MAGI3: variants seen among roughly 807,000 people sequenced by gnomAD.
MAGI3 encodes the protein membrane-associated guanylate kinase, WW and PDZ domain-containing protein 3.
Under a neutral mutation model 121.8 loss-of-function variants are expected in MAGI3, and 43 were observed. The ratio of observed to expected loss-of-function variants is 0.35; its 90% CI spans 0.28 to 0.46. The LOEUF (loss-of-function observed/expected upper bound fraction) is 0.46, where lower values mean the gene tolerates loss of function less well. Ranked by LOEUF, MAGI3 falls within the 20% of genes least tolerant of loss-of-function variation. MAGI3 has a pLI of 1.00. For missense variants in MAGI3, 1,547 were observed against 1,797.3 expected, an observed-to-expected ratio of 0.86 and a Z score of 2.52; for synonymous variants, 553 against 639.3, an observed-to-expected ratio of 0.86 and a Z score of 2.04.
Position 113,685,577 on chromosome 1 carries a change from A to AG in MAGI3, c.*1563_*1564insG, listed in dbSNP as rs1439810174. ...ATTTACCCACCTATTGTAACTATTC[A>AG]AATAGAGCAAAATTAGGAGGCTTGA... On this transcript the variant is annotated 3_prime_UTR_variant, in exon 21 of 21. Transcript: ENST00000307546. The AG allele has an allele frequency of 3.9e-5, 6 of 152,358 alleles. No homozygotes were observed. The highest frequency in any genetic ancestry group is 1.2e-4 in the African/African-American group (5 of 41,440). The allele number at this position is 152,358 out of a possible 1,614,324, so 9.4% of individuals were successfully genotyped here.
chr1:113,434,030 C>A (rs567769809), intron 1 of MAGI3, among the ~76,000 whole-genome samples: 19 of 152,224 alleles, frequency 1.2e-4, no homozygotes, highest in Middle Eastern at 3.4e-3. Flanking sequence ...GTGCCTGTTA[C>A]CAATTAATTG....
chr1:113,472,992 C>T (rs1307426223), intron 1 of MAGI3, among the ~76,000 whole-genome samples: 1 of 152,154 alleles, frequency 6.6e-6, no homozygotes, highest in Non-Finnish European at 1.5e-5. Flanking sequence ...GCGATTTACA[C>T]ACCACTATTA....
At chr1:113,476,831 C>G (rs1388931882) in intron 1 of MAGI3, among the ~76,000 whole-genome samples, 1 of 152,136 alleles carries the variant, frequency 6.6e-6, no homozygotes, top group East Asian at 1.9e-4. Context: ...GTGTTAAAGT[C>G]TCCCGTTATT....
intron 1 of MAGI3, among the ~76,000 whole-genome samples, chr1:113,395,086 A>ATTTTTTTTTTTTTT (rs1651021606): frequency 8.3e-5 from 1 of 12,090 alleles, no homozygotes; most frequent in African/African-American, 2.7e-4. Context: ...TCTTTTTGTT[A>ATTTTTTTTTTTTTT]GTTTTTTTTT....
At chr1:113,518,719 T>TC (rs1255995961) in intron 1 of MAGI3, among the ~76,000 whole-genome samples, 1 of 152,174 alleles carries the variant, frequency 6.6e-6, no homozygotes, top group Non-Finnish European at 1.5e-5. Flanking sequence ...CTTAGGTCAA[T>TC]ACATTTTTCT....
At chr1:113,633,238 A>ATTTTTTTTTTTT (rs71090716) in intron 9 of MAGI3, among the ~76,000 whole-genome samples, 4 of 56,670 alleles carry the variant, frequency 7.1e-5, no homozygotes, top group Non-Finnish European at 9.7e-5. Context: ...TGAACTCATC[A>ATTTTTTTTTTTT]TTTTTTTTTT....
At chr1:113,629,763 C>CCTCCCT (rs1553209696) in intron 9 of MAGI3, among the ~76,000 whole-genome samples, 2 of 45,216 alleles carry the variant, frequency 4.4e-5, no homozygotes, top group East Asian at 4.0e-4. Flanking sequence ...TCTCTCTCTC[C>CCTCCCT]CTCCCTCCCT....
intron 2 of MAGI3, among the ~76,000 whole-genome samples, chr1:113,558,505 A>G (rs1053075687): frequency 6.6e-6 from 1 of 152,212 alleles, no homozygotes; most frequent in Admixed American, 6.5e-5. Flanking sequence ...AGACAAGAAT[A>G]AAGAAAAAAG....
intron 3 of MAGI3, chr1:113,580,895 A>G: frequency 3.7e-6 from 1 of 269,888 alleles, no homozygotes; most frequent in Non-Finnish European, 6.9e-6. Context: ...AGTATACTAA[A>G]AATCAGCCAG....
chr1:113,673,482 C>A lies in MAGI3; in HGVS notation c.3189+17C>A, dbSNP rs1367897837. The A allele has an allele frequency of 1.2e-6, 2 of 1,610,864 alleles. No individual in the cohort carries two copies. The highest frequency in any genetic ancestry group is 1.3e-5 in the African/African-American group (1 of 74,802). ...AGAATTCATGTGAGTTGGTTTCTGT[C>A]TGTAACCTTAGGTTCAGGCTCTAGA... On this transcript the variant is annotated intron_variant, in intron 19 of 20. Coordinates refer to ENST00000307546, the MANE Select transcript of MAGI3 (RefSeq NM_001142782.2).
chr1:113,510,637 A>G (rs1489256673), intron 1 of MAGI3, among the ~76,000 whole-genome samples: 1 of 152,184 alleles, frequency 6.6e-6, no homozygotes, highest in African/African-American at 2.4e-5. Context: ...TCTTGGTCAT[A>G]TGACATTCCT....
chr1:113,576,976 A>G (rs1414131000), intron 2 of MAGI3: 2 of 152,216 alleles, frequency 1.3e-5, no homozygotes, highest in Non-Finnish European at 2.9e-5. Flanking sequence ...AAGAGAATGC[A>G]TGTTATGTGA....
intron 1 of MAGI3, among the ~76,000 whole-genome samples, chr1:113,528,493 A>T (rs1658556395): frequency 6.6e-6 from 1 of 152,184 alleles, no homozygotes; most frequent in Admixed American, 6.5e-5. Context: ...ATGACACTGT[A>T]AACTTCATAT....
intron 1 of MAGI3, among the ~76,000 whole-genome samples, chr1:113,447,840 AC>A (rs763082711): frequency 6.6e-5 from 10 of 150,516 alleles, no homozygotes; most frequent in Non-Finnish European, 1.3e-4. Context: ...GGGTGACAGA[AC>A]AAGACTGTGT....
chr1:113,411,912 A>G (rs1056085437), intron 1 of MAGI3, among the ~76,000 whole-genome samples: 4 of 152,124 alleles, frequency 2.6e-5, no homozygotes, highest in African/African-American at 9.7e-5. Flanking sequence ...TCTGGGGTGC[A>G]TGTGCACAAT....
chr1:113,672,905 T>C (rs1647646877), intron 18 of MAGI3, among the ~76,000 whole-genome samples, 164 bp downstream of exon 18: 1 of 152,254 alleles, frequency 6.6e-6, no homozygotes, highest in Non-Finnish European at 1.5e-5. Context: ...CATAGGAGAA[T>C]GTTAGGAGTG....
At chr1:113,416,615 C>G (rs1652465971) in intron 1 of MAGI3, among the ~76,000 whole-genome samples, 1 of 148,656 alleles carries the variant, frequency 6.7e-6, no homozygotes, top group Admixed American at 6.9e-5. Flanking sequence ...AGAACTGATG[C>G]CTGGGATGAG....
intron 16 of MAGI3, among the ~76,000 whole-genome samples, chr1:113,660,343 T>G (rs1373202835): frequency 6.6e-6 from 1 of 152,108 alleles, no homozygotes; most frequent in East Asian, 1.9e-4. Flanking sequence ...TTGTAGAAGC[T>G]CCACTGCTTC....
At chr1:113,578,647 T>A (rs994387942) in intron 2 of MAGI3, among the ~76,000 whole-genome samples, 1 of 152,130 alleles carries the variant, frequency 6.6e-6, no homozygotes, top group Non-Finnish European at 1.5e-5. Flanking sequence ...TGAGTTAATG[T>A]CTAATGTTAA....
Sources: allele counts gnomAD v4.1 joint callset (sites outside exome capture counted in the v4.1 genomes callset), GRCh38; gene constraint gnomAD v4.1.1; transcripts MANE v1.5; gene names NCBI Gene and HGNC (gene_info 2026-07-23, HGNC 2026-07-21).